PCDH9: variants seen among roughly 807,000 people sequenced by gnomAD.
The protein encoded by PCDH9 is protocadherin-9.
Under a neutral mutation model 70.6 loss-of-function variants are expected in PCDH9, and 24 were observed. That is an observed-to-expected ratio of 0.34 (90% CI 0.25 to 0.48). PCDH9 has a LOEUF of 0.48. Among genes scored for constraint, PCDH9 ranks in the 20% least tolerant of loss-of-function variants. The pLI is 0.99. For missense variants in PCDH9, 1,281 were observed against 1,503.6 expected, an observed-to-expected ratio of 0.85 and a Z score of 2.45; for synonymous variants, 562 against 558.5, an observed-to-expected ratio of 1.01 and a Z score of -0.09.
At chr13:66,783,774 C>T (rs1052474492) in intron 3 of PCDH9, among the ~76,000 whole-genome samples, 1 of 152,100 alleles carries the variant, frequency 6.6e-6, no homozygotes, top group Admixed American at 6.6e-5. Context: ...TTCCTCTAAA[C>T]ATTATACGTC....
intron 3 of PCDH9, among the ~76,000 whole-genome samples, chr13:66,836,489 T>C (rs1403847831): frequency 6.6e-6 from 1 of 152,178 alleles, no homozygotes; most frequent in Admixed American, 6.5e-5. Context: ...TTCCGTTCAA[T>C]TTCCTTTCTT....
intron 2 of PCDH9, among the ~76,000 whole-genome samples, chr13:66,957,445 G>A (rs2139716574): frequency 6.6e-6 from 1 of 152,274 alleles, no homozygotes; most frequent in Middle Eastern, 3.4e-3. Flanking sequence ...AGATGCATTG[G>A]TGGGATGTCA....
At chr13:66,536,788 C>T (rs1960722539) in intron 4 of PCDH9, among the ~76,000 whole-genome samples, 1 of 151,678 alleles carries the variant, frequency 6.6e-6, no homozygotes, top group Admixed American at 6.6e-5. Context: ...AATAGGTACC[C>T]AAATAGTTAT....
intron 2 of PCDH9, among the ~76,000 whole-genome samples, chr13:66,963,916 T>C (rs1379881303): frequency 6.6e-6 from 1 of 152,138 alleles, no homozygotes; most frequent in Non-Finnish European, 1.5e-5. Flanking sequence ...ACATGTTAGA[T>C]GTTCTCTTAG....
chr13:66,477,453 ATATTTGAGATG>A (rs1958752969), intron 4 of PCDH9, among the ~76,000 whole-genome samples: 2 of 152,154 alleles, frequency 1.3e-5, no homozygotes, highest in African/African-American at 4.8e-5. Flanking sequence ...AAATTATATG[ATATTTGAGATG>A]AACTGTGGAC....
intron 4 of PCDH9, among the ~76,000 whole-genome samples, chr13:66,622,637 T>C (rs1039405681): frequency 6.6e-6 from 1 of 152,072 alleles, no homozygotes; most frequent in Non-Finnish European, 1.5e-5. Context: ...TCTGGTGGCC[T>C]AGTGGAGAAC....
At chr13:67,132,772 A>G (rs2087137496) in intron 2 of PCDH9, among the ~76,000 whole-genome samples, 1 of 152,116 alleles carries the variant, frequency 6.6e-6, no homozygotes, top group Non-Finnish European at 1.5e-5. Flanking sequence ...TTCTTAATGT[A>G]TAGGAGGTCA....
At chr13:66,537,529 C>T (rs572154629) in intron 4 of PCDH9, among the ~76,000 whole-genome samples, 1 of 152,054 alleles carries the variant, frequency 6.6e-6, no homozygotes, top group East Asian at 1.9e-4. Context: ...AAGAGCATTC[C>T]AGGCAGAATT....
intron 4 of PCDH9, among the ~76,000 whole-genome samples, chr13:66,386,800 T>G (rs1240976204): frequency 6.6e-6 from 1 of 152,138 alleles, no homozygotes; most frequent in Admixed American, 6.5e-5. Context: ...GGGAGCAAAA[T>G]ACCAGACAGA....
At chr13:66,444,623 C>T (rs893249254) in intron 4 of PCDH9, among the ~76,000 whole-genome samples, 1 of 152,098 alleles carries the variant, frequency 6.6e-6, no homozygotes, top group East Asian at 1.9e-4. Flanking sequence ...TGCAGTGGCA[C>T]GATGTCGGCT....
At chr13:66,562,919 G>A (rs1336817393) in intron 4 of PCDH9, among the ~76,000 whole-genome samples, 1 of 152,082 alleles carries the variant, frequency 6.6e-6, no homozygotes, top group African/African-American at 2.4e-5. Flanking sequence ...GTATGTTTGT[G>A]TCTCTGAAGT....
intron 3 of PCDH9, chr13:66,825,082 A>C (rs1203301880): frequency 6.6e-6 from 1 of 151,990 alleles, no homozygotes; most frequent in Non-Finnish European, 1.5e-5. Flanking sequence ...ATTTTAATTT[A>C]AATTAATTCT....
chr13:66,887,761 G>C (rs1566267965), intron 3 of PCDH9, among the ~76,000 whole-genome samples: 1 of 152,026 alleles, frequency 6.6e-6, no homozygotes, highest in Non-Finnish European at 1.5e-5. Context: ...AAATAAACTA[G>C]GCACTAATTT....
At chr13:66,979,397 T>G (rs2083691348) in intron 2 of PCDH9, among the ~76,000 whole-genome samples, 1 of 152,194 alleles carries the variant, frequency 6.6e-6, no homozygotes, top group Non-Finnish European at 1.5e-5. Context: ...TGGTTCTGAA[T>G]CTATTGTTTC....
At chr13:67,172,513 A>G (rs2088316985) in intron 2 of PCDH9, among the ~76,000 whole-genome samples, 1 of 152,102 alleles carries the variant, frequency 6.6e-6, no homozygotes, top group Admixed American at 6.5e-5. Flanking sequence ...GACTATTCAA[A>G]TTTGAGGGAA....
chr13:67,091,195 T>C (rs1396280202), intron 2 of PCDH9, among the ~76,000 whole-genome samples: 1 of 152,098 alleles, frequency 6.6e-6, no homozygotes, highest in Non-Finnish European at 1.5e-5. Flanking sequence ...GAGTTCTACA[T>C]CCCTTTGGTG....
chr13:67,164,046 A>G (rs889643380), intron 2 of PCDH9, among the ~76,000 whole-genome samples: 3 of 152,068 alleles, frequency 2.0e-5, no homozygotes. Context: ...TTACCAATCC[A>G]CTCTAACAAA....
intron 3 of PCDH9, among the ~76,000 whole-genome samples, chr13:66,885,036 AC>A (rs979084287): frequency 1.2e-4 from 18 of 152,174 alleles, no homozygotes; most frequent in African/African-American, 4.3e-4. Flanking sequence ...ACCACAATAT[AC>A]CCTGAATTTT....
intron 4 of PCDH9, among the ~76,000 whole-genome samples, chr13:66,368,218 CTAAA>C (rs1248042668): frequency 3.3e-5 from 5 of 151,932 alleles, no homozygotes; most frequent in Non-Finnish European, 4.4e-5. Context: ...TTTAACATTA[CTAAA>C]TGAGTTAAAA....
Sources: allele counts gnomAD v4.1 joint callset (sites outside exome capture counted in the v4.1 genomes callset), GRCh38; gene constraint gnomAD v4.1.1; transcripts MANE v1.5; gene names NCBI Gene and HGNC (gene_info 2026-07-23, HGNC 2026-07-21).